The following POLRMT variants were observed in gnomAD, a reference collection of about 807,000 sequenced individuals.
POLRMT encodes the protein DNA-directed RNA polymerase, mitochondrial.
POLRMT carries 114 observed loss-of-function variants against 132.2 expected under a neutral mutation model. The observed-to-expected ratio is 0.86, with a 90% CI of 0.74 to 1.01. The LOEUF is 1.01. Ranked by LOEUF, POLRMT falls within the 50% of genes least tolerant of loss-of-function variation. POLRMT has a pLI of 0.00. For synonymous variants in POLRMT, 1,020 were observed against 773.4 expected, an observed-to-expected ratio of 1.32 and a Z score of -5.29; for missense variants, 2,003 against 1,729.1, an observed-to-expected ratio of 1.16 and a Z score of -2.81.
intron 13 of POLRMT, 101 bp downstream of exon 13, chr19:619,485 C>T: frequency 1.3e-6 from 2 of 1,488,966 alleles, no homozygotes; most frequent in Non-Finnish European, 1.8e-6. Context: ...TCTGGGGGAG[C>T]AGCCAGGGCT....
chr19:626,182 G>A (rs918742927), intron 3 of POLRMT, among the ~76,000 whole-genome samples: 4 of 151,674 alleles, frequency 2.6e-5, no homozygotes, highest in South Asian at 2.1e-4. Context: ...ATAGAGTCTC[G>A]CTCTGTCGCC....
In POLRMT at chr19:619,747, G is replaced by C; in HGVS notation, c.2905C>G (p.Gln969Glu). Reference protein sequence around the residue: ...VAAQVEVFRRQDAQRGMRVAQ... With the variant: ...VAAQVEVFRREDAQRGMRVAQ... ...ACCCGCATGCCCCGCTGGGCGTCCT[G>C]CCTACGGAACACCTCCACCTGCACG... is the stretch of plus-strand genomic sequence containing the variant. The change falls in exon 13 of 21, where the codon CAG becomes GAG. Residue 969 changes from glutamine to glutamate, a missense_variant. By Grantham distance (29) the Gln-to-Glu change is conservative. Transcript: ENST00000588649. 1 of 1,586,480 alleles carries C rather than the reference G, an allele frequency of 6.3e-7. No homozygotes were observed. The highest frequency in any genetic ancestry group is 1.3e-5 in the African/African-American group (1 of 74,390).
At chr19:623,202 C>T (rs1357560744) in intron 6 of POLRMT, among the ~76,000 whole-genome samples, 1 of 152,262 alleles carries the variant, frequency 6.6e-6, no homozygotes, top group East Asian at 1.9e-4. Flanking sequence ...CGCAGAAGCA[C>T]AGGCCAAGAC....
rs368487603 is a variant in POLRMT, at chr19:617,358, G to A, written c.3644-35C>T. 6.8e-5 allele frequency: 109 copies of A among 1,612,544 alleles called. 1 individual carries two copies. Among genetic ancestry groups the A allele is most frequent in the Admixed American group, 2.2e-4 (13 of 60,016 alleles). On this transcript the variant is annotated intron_variant, in intron 20 of 20. Coordinates refer to ENST00000588649, the MANE Select transcript of POLRMT (RefSeq NM_005035.4). ...AAGCAGAGCGGACGGCGTGGGTGGCGGGAAAGCCCCGCCCTGGCCCGCAGT... is the reference window on the plus strand; with the variant it reads ...AAGCAGAGCGGACGGCGTGGGTGGCAGGAAAGCCCCGCCCTGGCCCGCAGT...
rs910304022 is a variant in POLRMT at position 629,827 on chromosome 19, T to C, written c.535A>G (p.Thr179Ala). Residue 179 changes from threonine (T) to alanine (A), a missense_variant, in exon 3 of 21, where the codon ACG becomes GCG. Physicochemically the swap from Thr to Ala is moderately conservative, Grantham distance 58 (BLOSUM62 0). Transcript: ENST00000588649. ...KQMAGCLEDC[T>A]RQAPESPWEE... ...CAGGGGCTCTCGGGGGCCTGGCGCG[T>C]GCAGTCCTCCAGGCACCCGGCCATC... is the stretch of plus-strand genomic sequence containing the variant. 21 of 1,601,118 alleles carry C rather than the reference T, an allele frequency of 1.3e-5. No individual in the cohort carries two copies. Among genetic ancestry groups the C allele is most frequent in the Non-Finnish European group, 1.5e-5 (18 of 1,174,346 alleles).
chr19:625,277 G>T (rs540449135), intron 3 of POLRMT, 23 bp from the exon 4 acceptor site: 18 of 1,612,740 alleles, frequency 1.1e-5, no homozygotes, highest in Middle Eastern at 1.7e-4. Flanking sequence ...GCCAGGGTGA[G>T]GGTCTGGGGG....
Position 633,535 on chromosome 19 carries a change from C to T in POLRMT, c.-23G>A, listed in dbSNP as rs777574099. The T allele has an allele frequency of 2.9e-6, 2 of 679,002 alleles. No individual in the cohort carries two copies. The highest frequency in any genetic ancestry group is 4.2e-5 in the African/African-American group (1 of 23,612). 42.1% of individuals were successfully genotyped at this position (679,002 alleles called of 1,614,324 possible). Reference sequence around the variant, plus strand: ...CATTACGCACGCCGCTCCAGGCCACCCCACCGGCCCGCGCCTGCGCATGCG... The same window carrying T: ...CATTACGCACGCCGCTCCAGGCCACTCCACCGGCCCGCGCCTGCGCATGCG... On this transcript the variant is annotated 5_prime_UTR_variant, in exon 1 of 21. Coordinates refer to ENST00000588649, the MANE Select transcript of POLRMT (RefSeq NM_005035.4).
At position 622,633 on chromosome 19, in the gene POLRMT, C is replaced by T. The variant is rs373698488; in HGVS notation, c.1575G>A (p.Ala525=). The change falls in exon 8 of 21, where the codon GCG becomes GCA. Residue 525 remains alanine (A), a synonymous_variant. Coordinates refer to ENST00000588649, the MANE Select transcript of POLRMT (RefSeq NM_005035.4). ...QRQRVSGQVQ[A]LQNHYRKYLC... Reference sequence around the variant, plus strand: ...GGTACTTCCTGTAGTGGTTCTGCAGCGCCTGCACCTGGCCACTGACCCGCT... The same window carrying T: ...GGTACTTCCTGTAGTGGTTCTGCAGTGCCTGCACCTGGCCACTGACCCGCT... The T allele has an allele frequency of 4.4e-6, 7 of 1,607,240 alleles. No individual in the cohort carries two copies. Among genetic ancestry groups the T allele is most frequent in the African/African-American group, 4.0e-5 (3 of 74,804 alleles).
intron 8 of POLRMT, 82 bp downstream of exon 8, chr19:622,500 G>A (rs1984693831): frequency 6.7e-7 from 1 of 1,490,762 alleles, no homozygotes; most frequent in East Asian, 2.4e-5. Context: ...TGAAGCTTGG[G>A]TGCAAACCCG....
In POLRMT at chr19:619,984, C is replaced by A. The variant is rs771052283; in HGVS notation, c.2860G>T (p.Asp954Tyr). 9 of 1,598,258 alleles carry A rather than the reference C, an allele frequency of 5.6e-6. No individual in the cohort carries two copies. The African/African-American group carries it at 1.1e-4, about 19-fold the overall frequency. The change falls in exon 12 of 21, where the codon GAC (aspartate) becomes TAC (tyrosine). Residue 954 changes from aspartate to tyrosine, a missense_variant. By Grantham distance (160) the Asp-to-Tyr change is radical (BLOSUM62 -3). Coordinates refer to ENST00000588649, the MANE Select transcript of POLRMT (RefSeq NM_005035.4). The stretch of plus-strand genomic sequence containing the variant: ...TGCGCGGCCACGCCGCTGTACACGT[C>A]CTGCGGCACATCCGAGGGCTCCAGG... ...VNLEPSDVPQ[D>Y]VYSGVAAQVE... is the part of the protein sequence containing the mutation.
intron 10 of POLRMT, among the ~76,000 whole-genome samples, chr19:620,704 C>T (rs1233045419): frequency 7.7e-6 from 1 of 130,522 alleles, no homozygotes; most frequent in African/African-American, 2.9e-5. Flanking sequence ...CTGAAACAAG[C>T]GTGTCCGGAG....
chr19:617,500 G>T lies in POLRMT; in HGVS notation c.3582-20C>A, dbSNP rs760638924. On this transcript the variant is annotated intron_variant, in intron 19 of 20. Transcript: ENST00000588649. ...TGGGGCCTGGGGTTGGAAGCAGGGT[G>T]GGGTGAGGCTGAGGCCAGGTTTTGG... 6.2e-7 allele frequency: 1 copy of T among 1,610,546 alleles called. No individual in the cohort carries two copies. Among genetic ancestry groups the T allele is most frequent in the Non-Finnish European group, 8.5e-7 (1 of 1,179,262 alleles).
chr19:624,922 C>T lies in POLRMT; in HGVS notation c.954-17G>A. 6.3e-7 allele frequency: 1 copy of T among 1,594,364 alleles called. No homozygotes were observed. The highest frequency in any genetic ancestry group is 8.6e-7 in the Non-Finnish European group (1 of 1,167,616). On this transcript the variant is annotated splice_polypyrimidine_tract_variant and intron_variant, in intron 4 of 20. Transcript: ENST00000588649. ...TCCAGACACCTGTGGTGCAGGCGGC[C>T]TGCTCGAGGGACGGGCCAGCCCCAC... is the stretch of plus-strand genomic sequence containing the variant.
At chr19:620,316 G>C in intron 11 of POLRMT, 49 bp downstream of exon 11, 1 of 1,503,100 alleles carries the variant, frequency 6.7e-7, no homozygotes, top group South Asian at 1.3e-5. Context: ...TCGAGCCCCA[G>C]GCCCAGTGCA....
intron 11 of POLRMT, 86 bp downstream of exon 11, chr19:620,279 G>A (rs1984413505): frequency 2.7e-6 from 4 of 1,464,158 alleles, no homozygotes; most frequent in African/African-American, 2.8e-5. Context: ...AATACCACGA[G>A]CGAAGGTGAA....
At position 622,354 on chromosome 19, in the gene POLRMT, G is replaced by T; in HGVS notation, c.1646C>A (p.Pro549Gln). 6.4e-7 allele frequency: 1 copy of T among 1,552,892 alleles called. No individual in the cohort carries two copies. Among genetic ancestry groups the T allele is most frequent in the African/African-American group, 1.4e-5 (1 of 73,502 alleles). The change falls in exon 9 of 21, where the codon CCG (proline) becomes CAG (glutamine). Residue 549 changes from proline to glutamine, a missense_variant. Coordinates refer to ENST00000588649, the MANE Select transcript of POLRMT (RefSeq NM_005035.4). Reference sequence around the variant, plus strand: ...CCCCAGCTCCTCCCAGTACTGCCGCGGCAGGCAGGGCTCGGGCACCTGTAG... The same window carrying T: ...CCCCAGCTCCTCCCAGTACTGCCGCTGCAGGCAGGGCTCGGGCACCTGTAG... ...SDAEVPEPCL[P>Q]RQYWEELGAP...
intron 5 of POLRMT, 27 bp from the exon 6 acceptor site, chr19:623,630 G>A: frequency 6.2e-7 from 1 of 1,607,264 alleles, no homozygotes; most frequent in Non-Finnish European, 8.5e-7. Flanking sequence ...AGTGAGGTTG[G>A]GGGCTTGCCA....
Position 633,529 on chromosome 19 carries a change from G to GGCGCCGCCGCCGCCTCCGCC in POLRMT, c.-18_-17insGGCGGAGGCGGCGGCGGCGC. The GGCGCCGCCGCCGCCTCCGCC allele has an allele frequency of 6.8e-7, 1 of 1,463,692 alleles. No homozygotes were observed. Among genetic ancestry groups the GGCGCCGCCGCCGCCTCCGCC allele is most frequent in the Non-Finnish European group, 9.0e-7 (1 of 1,109,956 alleles). 90.7% of individuals were successfully genotyped at this position (1,463,692 alleles called of 1,614,324 possible). ...TGCCGACATTACGCACGCCGCTCCA[G>GGCGCCGCCGCCGCCTCCGCC]GCCACCCCACCGGCCCGCGCCTGCG... On this transcript the variant is annotated 5_prime_UTR_variant, in exon 1 of 21. Transcript: ENST00000588649.
At position 633,460 on chromosome 19, in the gene POLRMT, C is replaced by T. The variant is rs761392976; in HGVS notation, c.53G>A (p.Arg18Gln). The T allele has an allele frequency of 1.5e-5, 24 of 1,563,872 alleles. No homozygotes were observed. In the East Asian group the frequency reaches 3.5e-4, roughly 23 times the overall value. ...GGGGAGTCCCGGGCGGCCGCAAGGC[C>T]GTAGGGCTCGTTTGAGCCCCGCCGC... ...RGAAGLKRAL[R>Q]PCGRPGLPGK... Residue 18 changes from arginine (R) to glutamine (Q), a missense_variant, in exon 1 of 21, where the codon CGG becomes CAG. By Grantham distance (43) the Arg-to-Gln change is conservative. Coordinates refer to ENST00000588649, the MANE Select transcript of POLRMT (RefSeq NM_005035.4).
Sources: allele counts gnomAD v4.1 joint callset (sites outside exome capture counted in the v4.1 genomes callset), GRCh38; gene constraint gnomAD v4.1.1; transcripts MANE v1.5; gene names NCBI Gene and HGNC (gene_info 2026-07-23, HGNC 2026-07-21).